The following LOC400499 variants were observed in gnomAD, a reference collection of about 807,000 sequenced individuals.
the LOC400499 span, among the ~76,000 whole-genome samples, chr16:11,375,611 C>A: frequency 6.6e-6 from 1 of 152,016 alleles, no homozygotes; most frequent in Non-Finnish European, 1.5e-5. Flanking sequence ...CTGTGCCTGG[C>A]CTCTCCATGT....
chr16:11,379,078 A>G, the LOC400499 span, among the ~76,000 whole-genome samples: 3 of 152,208 alleles, frequency 2.0e-5, no homozygotes, highest in Admixed American at 2.0e-4. Context: ...AGCCTGGACA[A>G]CATGGTGAAA....
chr16:11,475,094 CT>C, the LOC400499 span, among the ~76,000 whole-genome samples: 1 of 152,124 alleles, frequency 6.6e-6, no homozygotes, highest in Non-Finnish European at 1.5e-5. Flanking sequence ...TTCCCTGCTC[CT>C]TTTCCCTTGC....
chr16:11,468,130 A>C, the LOC400499 span, among the ~76,000 whole-genome samples: 5 of 120,220 alleles, frequency 4.2e-5, no homozygotes, highest in African/African-American at 1.5e-4. Flanking sequence ...ATAACAACAA[A>C]AAACACCTTG....
the LOC400499 span, among the ~76,000 whole-genome samples, chr16:11,410,395 A>G: frequency 6.6e-6 from 1 of 152,230 alleles, no homozygotes; most frequent in Non-Finnish European, 1.5e-5. Flanking sequence ...CGGAGGTTGC[A>G]GTGAGCCGAA....
the LOC400499 span, among the ~76,000 whole-genome samples, chr16:11,522,476 A>G: frequency 6.6e-6 from 1 of 152,284 alleles, no homozygotes; most frequent in East Asian, 1.9e-4. Flanking sequence ...TTTACCCACA[A>G]GATGCCAGTA....
the LOC400499 span, among the ~76,000 whole-genome samples, chr16:11,414,964 C>T: frequency 6.6e-6 from 1 of 152,222 alleles, no homozygotes; most frequent in Admixed American, 6.5e-5. Context: ...GTCGGGATTT[C>T]CCTTAGGACA....
chr16:11,400,803 G>T, the LOC400499 span, among the ~76,000 whole-genome samples: 1 of 151,972 alleles, frequency 6.6e-6, no homozygotes, highest in African/African-American at 2.4e-5. Flanking sequence ...TCATTCCTTG[G>T]CTTGAATTCT....
chr16:11,379,455 T>C, the LOC400499 span, among the ~76,000 whole-genome samples: 32 of 152,264 alleles, frequency 2.1e-4, no homozygotes, highest in Non-Finnish European at 4.3e-4. Context: ...TTGTCTGATA[T>C]TAGTATAGCT....
chr16:11,514,019 C>A, the LOC400499 span, among the ~76,000 whole-genome samples: 2 of 152,112 alleles, frequency 1.3e-5, no homozygotes, highest in African/African-American at 2.4e-5. Context: ...TTAGCAGGAA[C>A]TTTCTGGAAA....
chr16:11,460,883 G>A, the LOC400499 span: 1 of 1,435,546 alleles, frequency 7.0e-7, no homozygotes, highest in Non-Finnish European at 9.2e-7. Flanking sequence ...GCGTATCTCA[G>A]CTCACGGAGC....
At chr16:11,423,765 G>A in the LOC400499 span, among the ~76,000 whole-genome samples, 2 of 152,200 alleles carry the variant, frequency 1.3e-5, no homozygotes, top group Non-Finnish European at 2.9e-5. Context: ...AGGGGCCCCA[G>A]GGAGGAACTG....
At chr16:11,496,888 ATGTGTGTGTG>A in the LOC400499 span, among the ~76,000 whole-genome samples, 82,080 of 144,100 alleles carry the variant, frequency 0.57, 24,172 homozygotes, top group Admixed American at 0.69. Flanking sequence ...GTATGCCTCA[ATGTGTGTGTG>A]TGTGTGTGTG....
the LOC400499 span, chr16:11,494,669 C>T: frequency 0.037 from 14,821 of 399,464 alleles, 379 homozygotes; most frequent in Non-Finnish European, 0.046. Flanking sequence ...CAGCTGGCCG[C>T]AGGGCCCGTC....
chr16:11,461,078 C>CG, the LOC400499 span: 1 of 1,536,008 alleles, frequency 6.5e-7, no homozygotes, highest in Non-Finnish European at 8.7e-7. Context: ...GCACCCAGGG[C>CG]GGCCACCCTC....
the LOC400499 span, among the ~76,000 whole-genome samples, chr16:11,419,097 C>T: frequency 2.0e-5 from 3 of 147,348 alleles, no homozygotes; most frequent in African/African-American, 5.0e-5. Flanking sequence ...GCCCAGGGGG[C>T]GGAGCTTGCA....
the LOC400499 span, among the ~76,000 whole-genome samples, chr16:11,375,181 C>G: frequency 1.5e-4 from 21 of 138,064 alleles, 3 homozygotes; most frequent in Non-Finnish European, 2.9e-4. Flanking sequence ...ATATTGTCTT[C>G]CATAGCTGCA....
At chr16:11,407,960 T>A in the LOC400499 span, among the ~76,000 whole-genome samples, 236 of 150,342 alleles carry the variant, frequency 1.6e-3, no homozygotes, top group African/African-American at 5.5e-3. Flanking sequence ...TGGGAAGATG[T>A]TCCAGAGCTG....
chr16:11,460,460 C>T, the LOC400499 span: 2 of 1,514,054 alleles, frequency 1.3e-6, no homozygotes, highest in East Asian at 5.0e-5. Flanking sequence ...GATGTCGCAC[C>T]TGGCCTGGGA....
At chr16:11,453,722 C>T in the LOC400499 span, among the ~76,000 whole-genome samples, 1 of 152,092 alleles carries the variant, frequency 6.6e-6, no homozygotes, top group South Asian at 2.1e-4. Flanking sequence ...AATCCCAGCA[C>T]TTTGGCAAGC....
Sources: gnomAD v4.1 joint callset for allele counts (sites outside exome capture counted in the v4.1 genomes callset) on GRCh38, gnomAD v4.1.1 for gene constraint, MANE v1.5 for transcripts.